Variants in ARL6 observed in about 807,000 individuals in gnomAD.
ARL6 encodes the protein ARF like GTPase 6, also known as ADP-ribosylation factor-like protein 6.
In ARL6, 18 loss-of-function variants were observed where a neutral mutation model predicts 27.1. The observed-to-expected ratio is 0.66, with a 90% confidence interval of 0.46 to 0.98. The LOEUF (loss-of-function observed/expected upper bound fraction) is 0.98. ARL6 is among the 50% of genes least tolerant of loss of function. The pLI is 0.00. For synonymous variants in ARL6, 65 were observed against 72.3 expected (o/e 0.90, Z 0.51); for missense variants, 187 against 214.9 (o/e 0.87, Z 0.81).
chr3:97,775,312 A>G (rs1284430833), intron 2 of ARL6, among the ~76,000 whole-genome samples: 1 of 152,224 alleles, frequency 6.6e-6, no homozygotes, highest in African/African-American at 2.4e-5. Context: ...ACAGAGTCCC[A>G]CAATATACCA....
chr3:97,782,290 T>A (rs572009521), intron 4 of ARL6, among the ~76,000 whole-genome samples: 33 of 152,058 alleles, frequency 2.2e-4, no homozygotes, highest in South Asian at 4.1e-4. Context: ...TAATTTTAAT[T>A]ACAAAAATAT....
chr3:97,787,896 T>TG, intron 5 of ARL6, 94 bp from the exon 6 acceptor site: 1 of 1,332,536 alleles, frequency 7.5e-7, no homozygotes, highest in African/African-American at 1.5e-5. Context: ...AAAAGATAAT[T>TG]GAAAAAAAAT....
chr3:97,774,708 A>T (rs1396063493), intron 2 of ARL6, among the ~76,000 whole-genome samples: 1 of 152,026 alleles, frequency 6.6e-6, no homozygotes, highest in Non-Finnish European at 1.5e-5. Flanking sequence ...TGCACCTTTC[A>T]TTGCAGGTCA....
At chr3:97,791,307 T>A (rs1559690801) in intron 6 of ARL6, 1 of 156,942 alleles carries the variant, frequency 6.4e-6, no homozygotes, top group East Asian at 1.9e-4. Context: ...TTTGTTTTAC[T>A]CTACCAGCTT....
At chr3:97,769,692 C>G (rs1238224957) in intron 2 of ARL6, among the ~76,000 whole-genome samples, 1 of 152,012 alleles carries the variant, frequency 6.6e-6, no homozygotes, top group Non-Finnish European at 1.5e-5. Flanking sequence ...ACCCCTCTCT[C>G]CGCCCTACCC....
intron 2 of ARL6, among the ~76,000 whole-genome samples, chr3:97,771,405 T>C (rs561229941): frequency 6.6e-5 from 10 of 152,196 alleles, no homozygotes; most frequent in African/African-American, 1.9e-4. Context: ...GTTCTAACAG[T>C]ATTTTTGGTA....
chr3:97,786,412 A>G (rs771540769), intron 5 of ARL6, among the ~76,000 whole-genome samples: 9 of 152,154 alleles, frequency 5.9e-5, no homozygotes, highest in African/African-American at 1.7e-4. Context: ...TTTCATATTA[A>G]TCTTTCCAGT....
At chr3:97,780,326 G>A (rs1559680120) in intron 3 of ARL6, 106 bp downstream of exon 3, 3 of 919,020 alleles carry the variant, frequency 3.3e-6, no homozygotes, top group Non-Finnish European at 5.1e-6. Context: ...TGTTGTTTCA[G>A]AATCTCATAG....
rs2038175380 is a variant in ARL6, at chr3:97,799,925, TCTTA to T, written c.*1880_*1883del. The T allele has an allele frequency of 6.6e-6, 1 of 152,080 alleles. No homozygotes were observed. Among genetic ancestry groups the T allele is most frequent in the South Asian group, 2.1e-4 (1 of 4,832 alleles). 9.4% of individuals were successfully genotyped at this position (152,080 alleles called of 1,614,324 possible). On this transcript the variant is annotated 3_prime_UTR_variant, in exon 8 of 8. Transcript: ENST00000463745. ...TAACAATTAAAATGATAGAAAAGGC[TCTTA>T]CTTGGGACAGCAACCAGGACAGGGA...
At chr3:97,769,425 T>A (rs188219713) in intron 2 of ARL6, among the ~76,000 whole-genome samples, 1 of 152,102 alleles carries the variant, frequency 6.6e-6, no homozygotes, top group East Asian at 1.9e-4. Flanking sequence ...TCATTTTTTA[T>A]TGATACAAAT....
Position 97,798,845 on chromosome 3 carries a change from A to G in ARL6, c.*796A>G, listed in dbSNP as rs1182040933. On this transcript the variant is annotated 3_prime_UTR_variant, in exon 8 of 8. Coordinates refer to ENST00000463745, the MANE Select transcript of ARL6 (RefSeq NM_001278293.3). ...GAAAATATTGCATCTTCAGATTAAG[A>G]GGTATAAAGTAAATTAATATTTGAC... 4 of 152,096 alleles carry G rather than the reference A, an allele frequency of 2.6e-5. No individual in the cohort carries two copies. Among genetic ancestry groups the G allele is most frequent in the Non-Finnish European group, 4.4e-5 (3 of 67,940 alleles). The allele number at this position is 152,096 out of a possible 1,614,324, so 9.4% of individuals were successfully genotyped here.
intron 2 of ARL6, 102 bp downstream of exon 2, chr3:97,768,332 A>G: frequency 7.8e-7 from 1 of 1,288,376 alleles, no homozygotes; most frequent in Non-Finnish European, 1.1e-6. Flanking sequence ...AATCACATTA[A>G]GATATTCTGT....
chr3:97,798,097 T>C lies in ARL6; in HGVS notation c.*48T>C, dbSNP rs751518060. ...AGCAATTTTCAATTCAAGGAATCTA[T>C]CTAAGACAAATAGAATACATTTTGT... On this transcript the variant is annotated 3_prime_UTR_variant, in exon 8 of 8. Coordinates refer to ENST00000463745, the MANE Select transcript of ARL6 (RefSeq NM_001278293.3). The C allele has an allele frequency of 3.6e-5, 56 of 1,562,228 alleles. No homozygotes were observed. The highest frequency in any genetic ancestry group is 4.7e-5 in the Non-Finnish European group (53 of 1,134,914).
At position 97,798,068 on chromosome 3, in the gene ARL6, C is replaced by A. The variant is rs761104130; in HGVS notation, c.*19C>A. ...GACATGAAAAGATAATAGTTGGAAA[C>A]CTCAGCAATTTTCAATTCAAGGAAT... On this transcript the variant is annotated 3_prime_UTR_variant, in exon 8 of 8. Transcript: ENST00000463745. The A allele has an allele frequency of 6.2e-7, 1 of 1,611,362 alleles. No homozygotes were observed. The highest frequency in any genetic ancestry group is 8.5e-7 in the Non-Finnish European group (1 of 1,177,828).
At chr3:97,788,556 T>C (rs2037571972) in intron 6 of ARL6, among the ~76,000 whole-genome samples, 1 of 152,112 alleles carries the variant, frequency 6.6e-6, no homozygotes, top group African/African-American at 2.4e-5. Flanking sequence ...TGTCTGCCTA[T>C]ACAGGTGTGT....
rs185715970 is a variant in ARL6 at position 97,768,034 on chromosome 3, T to C, written c.-27-47T>C. 9.2e-5 allele frequency: 143 copies of C among 1,552,108 alleles called. No individual in the cohort carries two copies. In the East Asian group the frequency reaches 1.3e-3, roughly 14 times the overall value. On this transcript the variant is annotated intron_variant, in intron 1 of 7. Coordinates refer to ENST00000463745, the MANE Select transcript of ARL6 (RefSeq NM_001278293.3). Reference sequence around the variant, plus strand: ...TTAATACACCTACCAATATTTTCCATAACTTAAGGTGCCTTTGGGTAATAT... The same window carrying C: ...TTAATACACCTACCAATATTTTCCACAACTTAAGGTGCCTTTGGGTAATAT...
At chr3:97,797,129 G>A (rs1397808558) in intron 7 of ARL6, among the ~76,000 whole-genome samples, 2 of 152,146 alleles carry the variant, frequency 1.3e-5, no homozygotes, top group East Asian at 1.9e-4. Flanking sequence ...GGAAGATATT[G>A]TAACAAAATG....
intron 7 of ARL6, among the ~76,000 whole-genome samples, chr3:97,797,468 G>T (rs553829978): frequency 1.3e-5 from 2 of 152,282 alleles, no homozygotes; most frequent in South Asian, 4.1e-4. Flanking sequence ...TTAGGAGAAT[G>T]GGGGTATTAG....
At chr3:97,786,868 TTACCTATGA>T (rs2037483744) in intron 5 of ARL6, among the ~76,000 whole-genome samples, 2 of 152,216 alleles carry the variant, frequency 1.3e-5, no homozygotes. Context: ...GGCCTTTCTA[TTACCTATGA>T]TATGGAAAAT....
Sources: allele counts gnomAD v4.1 joint callset (sites outside exome capture counted in the v4.1 genomes callset), GRCh38; gene constraint gnomAD v4.1.1; transcripts MANE v1.5; gene names NCBI Gene and HGNC (gene_info 2026-07-23, HGNC 2026-07-21).